Variants in MEF2A observed in about 807,000 individuals in gnomAD.
MEF2A encodes the protein myocyte-specific enhancer factor 2A.
A neutral mutation model predicts 55.8 loss-of-function variants in MEF2A; 28 were observed. That is an observed-to-expected ratio of 0.50 (90% CI 0.37 to 0.69). The LOEUF is 0.69. Ranked by LOEUF, MEF2A falls within the 30% of genes least tolerant of loss-of-function variation. MEF2A has a pLI of 0.00. For missense variants in MEF2A, 528 were observed against 626.2 expected, an observed-to-expected ratio of 0.84 and a Z score of 1.67; for synonymous variants, 239 against 227.1, an observed-to-expected ratio of 1.05 and a Z score of -0.47.
intron 4 of MEF2A, among the ~76,000 whole-genome samples, chr15:99,666,598 TAATAATA>T (rs2049798653): frequency 1.4e-5 from 2 of 147,860 alleles, no homozygotes; most frequent in South Asian, 4.3e-4. Flanking sequence ...ATAATAATAA[TAATAATA>T]ATAATAAAAA....
intron 2 of MEF2A, among the ~76,000 whole-genome samples, chr15:99,608,762 G>A (rs563964597): frequency 1.3e-5 from 2 of 152,078 alleles, no homozygotes; most frequent in South Asian, 2.1e-4. Context: ...TTAGCTGGGC[G>A]TGATGGCAGG....
chr15:99,575,311 C>T (rs1265365252), intron 1 of MEF2A, among the ~76,000 whole-genome samples: 1 of 152,022 alleles, frequency 6.6e-6, no homozygotes, highest in African/African-American at 2.4e-5. Flanking sequence ...TTAATTATAT[C>T]CCTTGTATTG....
Position 99,706,782 on chromosome 15 carries a change from C to T in MEF2A, c.936C>T (p.Val312=). The change falls in exon 10 of 12, where the codon GTC becomes GTT. Residue 312 remains valine (V), a synonymous_variant. Transcript: ENST00000557942. The stretch of plus-strand genomic sequence containing the variant: ...CCACTCAACCTCTTGCTACCCCAGT[C>T]GTGTCTGTGACAACCCCAAGCTTGC... ...SQATQPLATP[V]VSVTTPSLPP... 4 of 1,613,962 alleles carry T rather than the reference C, an allele frequency of 2.5e-6. No homozygotes were observed. The highest frequency in any genetic ancestry group is 1.7e-5 in the Admixed American group (1 of 60,024).
At chr15:99,572,246 C>G (rs1962645580) in intron 1 of MEF2A, among the ~76,000 whole-genome samples, 1 of 152,180 alleles carries the variant, frequency 6.6e-6, no homozygotes, top group South Asian at 2.1e-4. Context: ...CTTAAACCCT[C>G]TGCACCCTTT....
At chr15:99,675,328 G>GC in intron 6 of MEF2A, 71 bp from the exon 7 acceptor site, 1 of 1,284,476 alleles carries the variant, frequency 7.8e-7, no homozygotes, top group Non-Finnish European at 1.1e-6. Context: ...TTCAGTTCAC[G>GC]TTCAGTTAGG....
chr15:99,619,664 G>A (rs1423103572), intron 2 of MEF2A, among the ~76,000 whole-genome samples: 1 of 152,178 alleles, frequency 6.6e-6, no homozygotes, highest in Non-Finnish European at 1.5e-5. Context: ...GATTGAAAAT[G>A]TGTGTGTTAG....
chr15:99,688,392 A>G (rs1051662255), intron 7 of MEF2A, among the ~76,000 whole-genome samples: 1 of 152,182 alleles, frequency 6.6e-6, no homozygotes, highest in Non-Finnish European at 1.5e-5. Context: ...ATTTTACATC[A>G]TTTGTTTGCT....
chr15:99,600,706 A>G (rs749614050), intron 2 of MEF2A, among the ~76,000 whole-genome samples: 2 of 152,096 alleles, frequency 1.3e-5, no homozygotes, highest in African/African-American at 2.4e-5. Context: ...TTGAACATTA[A>G]TTGGCCATTA....
chr15:99,610,406 C>T (rs1976743698), intron 2 of MEF2A, among the ~76,000 whole-genome samples: 2 of 8,922 alleles, frequency 2.2e-4, no homozygotes, highest in Non-Finnish European at 2.8e-4. Context: ...CAGCTGGTCT[C>T]CCCCGCCCCC....
At chr15:99,641,882 C>G (rs767928203) in intron 3 of MEF2A, among the ~76,000 whole-genome samples, 1 of 152,120 alleles carries the variant, frequency 6.6e-6, no homozygotes, top group East Asian at 1.9e-4. Context: ...TGTTTAGCAC[C>G]GCCTCACTGC....
intron 7 of MEF2A, among the ~76,000 whole-genome samples, chr15:99,684,165 A>C (rs1405697234): frequency 1.3e-5 from 2 of 152,160 alleles, no homozygotes; most frequent in Non-Finnish European, 2.9e-5. Context: ...CAATTGCAAA[A>C]TGTGCTGCTA....
chr15:99,697,278 G>A (rs1248587736), intron 8 of MEF2A, among the ~76,000 whole-genome samples: 9 of 151,528 alleles, frequency 5.9e-5, no homozygotes, highest in Admixed American at 2.0e-4. Context: ...CATATATATC[G>A]GGAAGAGAGA....
At chr15:99,608,269 C>T (rs964555773) in intron 2 of MEF2A, among the ~76,000 whole-genome samples, 1 of 152,148 alleles carries the variant, frequency 6.6e-6, no homozygotes, top group Non-Finnish European at 1.5e-5. Context: ...GTTAATTTCA[C>T]TGTGAATGTA....
At chr15:99,670,648 A>G (rs1049572762) in intron 4 of MEF2A, among the ~76,000 whole-genome samples, 1 of 152,210 alleles carries the variant, frequency 6.6e-6, no homozygotes, top group Non-Finnish European at 1.5e-5. Context: ...TTCTCCAGAA[A>G]GTCAAATCAG....
chr15:99,627,686 G>A (rs966316389), intron 2 of MEF2A, among the ~76,000 whole-genome samples: 2 of 152,146 alleles, frequency 1.3e-5, no homozygotes, highest in African/African-American at 4.8e-5. Flanking sequence ...GTGCATCTCT[G>A]ATGTTGCTGG....
intron 4 of MEF2A, among the ~76,000 whole-genome samples, chr15:99,646,385 A>G (rs1240280850): frequency 3.3e-5 from 5 of 152,108 alleles, no homozygotes; most frequent in African/African-American, 1.2e-4. Context: ...CCCCCTTTTT[A>G]TCTTCTCTCT....
chr15:99,650,243 C>G (rs889604434), intron 4 of MEF2A, among the ~76,000 whole-genome samples: 3 of 152,168 alleles, frequency 2.0e-5, no homozygotes, highest in African/African-American at 7.2e-5. Context: ...AGTGGCAGAA[C>G]CAGGATTAGG....
chr15:99,588,813 A>G lies in MEF2A; in HGVS notation c.-224-9617A>G, dbSNP rs544073498. Among the ~76,000 whole-genome samples, 6 of 150,308 alleles carry G rather than the reference A, an allele frequency of 4.0e-5. No homozygotes were observed. In the East Asian group the frequency reaches 5.9e-4, roughly 15 times the overall value. ...TGAATGGGTGTTTTGTTATTTCTCT[A>G]TGTCTATTGGAATTAATCACATGGG... is the stretch of plus-strand genomic sequence containing the variant. On this transcript the variant is annotated intron_variant, in intron 1 of 11. Coordinates refer to ENST00000557942, the MANE Select transcript of MEF2A (RefSeq NM_001319206.4).
At chr15:99,575,972 C>T (rs762497940) in intron 1 of MEF2A, among the ~76,000 whole-genome samples, 1 of 152,248 alleles carries the variant, frequency 6.6e-6, no homozygotes, top group Middle Eastern at 3.4e-3. Context: ...TTAACATGCC[C>T]CCATCATTTG....
Sources: allele counts gnomAD v4.1 joint callset (sites outside exome capture counted in the v4.1 genomes callset), GRCh38; gene constraint gnomAD v4.1.1; transcripts MANE v1.5; gene names NCBI Gene and HGNC (gene_info 2026-07-23, HGNC 2026-07-21).